The following ELF2 variants were observed in gnomAD, a reference collection of about 807,000 sequenced individuals.
The protein encoded by ELF2 is E74 like ETS transcription factor 2.
ELF2 carries 11 observed loss-of-function variants against 54.8 expected under a neutral mutation model. The ratio of observed to expected loss-of-function variants is 0.20; its 90% CI spans 0.13 to 0.33. The LOEUF (loss-of-function observed/expected upper bound fraction) is 0.33, where lower values mean the gene tolerates loss of function less well. Ranked by LOEUF, ELF2 falls within the 10% of genes least tolerant of loss-of-function variation. The pLI is 1.00. For synonymous variants in ELF2, 203 were observed against 245.1 expected (o/e 0.83, Z 1.61); for missense variants, 513 against 703.0 (o/e 0.73, Z 3.06).
intron 4 of ELF2, among the ~76,000 whole-genome samples, chr4:139,079,941 T>C (rs570118101): frequency 9.8e-4 from 150 of 152,334 alleles, no homozygotes; most frequent in Non-Finnish European, 1.9e-3. Context: ...ATAAAAATTA[T>C]GATTCTGTAA....
At chr4:139,072,987 C>T (rs962392318) in intron 5 of ELF2, among the ~76,000 whole-genome samples, 1 of 151,892 alleles carries the variant, frequency 6.6e-6, no homozygotes, top group African/African-American at 2.4e-5. Flanking sequence ...CTAAGAGGGA[C>T]CACAAAAAAA....
chr4:139,119,164 T>A (rs1483925859), intron 4 of ELF2, among the ~76,000 whole-genome samples: 1 of 152,256 alleles, frequency 6.6e-6, no homozygotes, highest in Non-Finnish European at 1.5e-5. Flanking sequence ...TTGTTCTCCA[T>A]CACAGAGAGA....
chr4:139,144,330 C>T (rs765745097), intron 1 of ELF2, among the ~76,000 whole-genome samples: 1 of 152,188 alleles, frequency 6.6e-6, no homozygotes, highest in African/African-American at 2.4e-5. Context: ...CGGGAAGAGC[C>T]TTGTGCGTAT....
intron 1 of ELF2, among the ~76,000 whole-genome samples, chr4:139,164,697 T>C (rs1741548706): frequency 6.6e-6 from 1 of 152,198 alleles, no homozygotes; most frequent in African/African-American, 2.4e-5. Flanking sequence ...TTTCTTGAAG[T>C]CTTGATCTGT....
chr4:139,136,418 GC>G (rs1254533158), intron 3 of ELF2, among the ~76,000 whole-genome samples: 1 of 150,678 alleles, frequency 6.6e-6, no homozygotes, highest in Non-Finnish European at 1.5e-5. Flanking sequence ...ACACCAAGGA[GC>G]AAAAAAAAAA....
At chr4:139,169,576 G>A (rs528384086) in intron 1 of ELF2, among the ~76,000 whole-genome samples, 88 of 152,128 alleles carry the variant, frequency 5.8e-4, no homozygotes, top group African/African-American at 2.0e-3. Context: ...AATCTGTCTT[G>A]GCCGGGCGCG....
chr4:139,174,415 G>A (rs916675597), intron 1 of ELF2, among the ~76,000 whole-genome samples: 1 of 152,118 alleles, frequency 6.6e-6, no homozygotes, highest in South Asian at 2.1e-4. Flanking sequence ...TGGTTGCATA[G>A]GACTGGGAGT....
At chr4:139,165,394 T>G (rs547775439) in intron 1 of ELF2, among the ~76,000 whole-genome samples, 2 of 152,340 alleles carry the variant, frequency 1.3e-5, no homozygotes, top group East Asian at 3.9e-4. Context: ...CTTGGAGCGG[T>G]GGCTCATGCC....
At chr4:139,131,255 T>C (rs894126084) in intron 3 of ELF2, among the ~76,000 whole-genome samples, 2 of 152,232 alleles carry the variant, frequency 1.3e-5, no homozygotes, top group Non-Finnish European at 2.9e-5. Context: ...TTGTTGTTTA[T>C]CTGAAATTCA....
chr4:139,074,483 G>C (rs1425599095), intron 4 of ELF2, among the ~76,000 whole-genome samples: 1 of 151,974 alleles, frequency 6.6e-6, no homozygotes, highest in Non-Finnish European at 1.5e-5. Flanking sequence ...ATATTGCAGG[G>C]GGGCCGGGTG....
rs1455645518 is a variant in ELF2, at chr4:139,092,390, AACATAACATAACATAACATAACAT to A, written c.239-18847_239-18824del. On this transcript the variant is annotated intron_variant, in intron 4 of 9. Transcript: ENST00000686138. Reference sequence around the variant, plus strand: ...ATCATAACGTAACATAACATAACATAACATAACATAACATAACATAACATACATAACATAACATAACATAACATA... The same window carrying A: ...ATCATAACGTAACATAACATAACATAACATAACATAACATAACATAACATA... 1.1e-4 allele frequency among the ~76,000 whole-genome samples: 13 copies of A among 120,448 alleles called. 1 individual carries two copies. Among genetic ancestry groups the A allele is most frequent in the South Asian group, 3.1e-4 (1 of 3,272 alleles). 79.0% of individuals were successfully genotyped at this position (120,448 alleles called of 152,430 possible). A position where few individuals can be genotyped will look rare whatever the true frequency, so the allele number is the denominator to read the frequency against.
rs965417017 is a variant in ELF2, at chr4:139,077,656, A to C, written c.239-4089T>G. 9.7e-4 allele frequency among the ~76,000 whole-genome samples: 147 copies of C among 152,024 alleles called. 2 individuals are homozygous for C. Among genetic ancestry groups the C allele is most frequent in the African/African-American group, 3.3e-3 (136 of 41,522 alleles). ...TTTCTCCTACTTGTGTCTGTAATTAAAAAAAAAATACTATTTTGTTCAGAT... is the reference window on the plus strand; with the variant it reads ...TTTCTCCTACTTGTGTCTGTAATTACAAAAAAAATACTATTTTGTTCAGAT... On this transcript the variant is annotated intron_variant, in intron 4 of 9. Coordinates refer to ENST00000686138, the MANE Select transcript of ELF2 (RefSeq NM_001331036.3).
chr4:139,113,906 T>C (rs981238810), intron 4 of ELF2, among the ~76,000 whole-genome samples: 2 of 152,204 alleles, frequency 1.3e-5, no homozygotes, highest in African/African-American at 4.8e-5. Flanking sequence ...TCATTTCTGC[T>C]TTATTAATTG....
chr4:139,084,835 A>T (rs569570752), intron 4 of ELF2, among the ~76,000 whole-genome samples: 2 of 152,242 alleles, frequency 1.3e-5, no homozygotes, highest in Non-Finnish European at 2.9e-5. Context: ...CTTTTAAGAC[A>T]GGAACACCAA....
intron 1 of ELF2, among the ~76,000 whole-genome samples, chr4:139,142,904 T>C (rs1738855310): frequency 6.6e-6 from 1 of 152,068 alleles, no homozygotes; most frequent in Admixed American, 6.5e-5. Flanking sequence ...AGATGTATTT[T>C]GCAGATAAAA....
chr4:139,102,326 T>C (rs1380341860), intron 4 of ELF2: 1 of 134,818 alleles, frequency 7.4e-6, no homozygotes, highest in South Asian at 2.4e-4. Context: ...ATCGAGACCA[T>C]CCTGGCTAAC....
At chr4:139,162,150 G>A (rs1035671553) in intron 1 of ELF2, among the ~76,000 whole-genome samples, 9 of 152,208 alleles carry the variant, frequency 5.9e-5, no homozygotes, top group African/African-American at 1.4e-4. Context: ...GGTGAGCTGA[G>A]ATCGTGCCAT....
At chr4:139,152,681 A>G (rs1740125103) in intron 1 of ELF2, among the ~76,000 whole-genome samples, 1 of 152,134 alleles carries the variant, frequency 6.6e-6, no homozygotes, top group South Asian at 2.1e-4. Flanking sequence ...TCCTGCCTAC[A>G]GGATCAATGA....
intron 4 of ELF2, among the ~76,000 whole-genome samples, chr4:139,077,791 T>C (rs903355400): frequency 6.6e-6 from 1 of 152,194 alleles, no homozygotes; most frequent in Non-Finnish European, 1.5e-5. Context: ...AGCTGAAAAG[T>C]AGAATTCCTT....
Sources: gnomAD v4.1 joint callset for allele counts (sites outside exome capture counted in the v4.1 genomes callset) on GRCh38, gnomAD v4.1.1 for gene constraint, MANE v1.5 for transcripts, NCBI Gene and HGNC (gene_info 2026-07-23, HGNC 2026-07-21) for gene names.